RIN2: variants seen among roughly 807,000 people sequenced by gnomAD.
The protein encoded by RIN2 is Ras and Rab interactor 2.
RIN2 carries 36 observed loss-of-function variants against 78.0 expected under a neutral mutation model. The observed-to-expected ratio is 0.46, with a 90% CI of 0.35 to 0.61. The LOEUF (loss-of-function observed/expected upper bound fraction) is 0.61. Among genes scored for constraint, RIN2 ranks in the 20% least tolerant of loss-of-function variants. The pLI, the probability that RIN2 is intolerant of heterozygous loss-of-function variation, is 0.00. For missense variants in RIN2, 1,087 were observed against 1,159.7 expected (o/e 0.94, Z 0.91); for synonymous variants, 466 against 466.8 (o/e 1.00, Z 0.02).
intron 9 of RIN2, among the ~76,000 whole-genome samples, chr20:19,987,780 G>A (rs964177316): frequency 6.6e-6 from 1 of 152,222 alleles, no homozygotes; most frequent in East Asian, 1.9e-4. Context: ...TGCCAGATGT[G>A]AATAAGTTGT....
At chr20:19,788,439 A>AAAAAAAC (rs1555818735) in intron 1 of RIN2, among the ~76,000 whole-genome samples, 1 of 132,994 alleles carries the variant, frequency 7.5e-6, no homozygotes, top group Non-Finnish European at 1.5e-5. Context: ...TGCCAAAAAA[A>AAAAAAAC]AAAAAAAAAA....
At chr20:19,983,031 C>G (rs2042509982) in intron 9 of RIN2, among the ~76,000 whole-genome samples, 1 of 152,184 alleles carries the variant, frequency 6.6e-6, no homozygotes, top group Non-Finnish European at 1.5e-5. Flanking sequence ...CAAATTTAAC[C>G]ACTCACACTC....
chr20:19,932,018 T>A (rs1484760179), intron 3 of RIN2, among the ~76,000 whole-genome samples: 1 of 152,192 alleles, frequency 6.6e-6, no homozygotes, highest in Non-Finnish European at 1.5e-5. Context: ...CTGGGGGTAA[T>A]ATTCCTCCAG....
At chr20:19,796,622 A>G (rs2035062355) in intron 1 of RIN2, among the ~76,000 whole-genome samples, 1 of 152,202 alleles carries the variant, frequency 6.6e-6, no homozygotes, top group African/African-American at 2.4e-5. Context: ...GCTATGAGTC[A>G]ATAGATTCCT....
intron 2 of RIN2, among the ~76,000 whole-genome samples, chr20:19,814,975 TTA>T (rs2035718599): frequency 6.6e-6 from 1 of 152,156 alleles, no homozygotes; most frequent in South Asian, 2.1e-4. Context: ...TAATTTAATT[TTA>T]TGTTTTATAA....
intron 2 of RIN2, among the ~76,000 whole-genome samples, chr20:19,847,446 G>T (rs2036820941): frequency 6.6e-6 from 1 of 152,164 alleles, no homozygotes; most frequent in African/African-American, 2.4e-5. Context: ...AAACGTGCAT[G>T]CAGTTAAAAG....
intron 1 of RIN2, among the ~76,000 whole-genome samples, chr20:19,793,541 A>T (rs1477344129): frequency 6.6e-6 from 1 of 152,234 alleles, no homozygotes; most frequent in African/African-American, 2.4e-5. Flanking sequence ...GAGGGAGAAA[A>T]GAAGTACTCC....
intron 4 of RIN2, among the ~76,000 whole-genome samples, chr20:19,950,802 C>T (rs915801957): frequency 4.6e-5 from 7 of 151,936 alleles, no homozygotes; most frequent in Non-Finnish European, 1.0e-4. Flanking sequence ...CTCCACTTCT[C>T]GGGTTCAAAC....
At position 19,970,891 on chromosome 20, in the gene RIN2, C is replaced by A; in HGVS notation, c.590C>A (p.Ser197Ter). The change falls in exon 8 of 13, where the codon TCG (serine) becomes TAG (stop). Residue 197 changes from serine (S) to a stop codon, truncating the protein, a stop_gained. Transcript: ENST00000255006. LOFTEE classifies it high-confidence loss of function. The part of the protein sequence containing the change: ...KLPYAISTAK[S>*]EAQLEELAQM... ...CCTTATGCCATTTCAACAGCCAAGT[C>A]GGAGGCTCAGCTTGAAGAACTGGCC... 1 of 1,613,502 alleles carries A rather than the reference C, an allele frequency of 6.2e-7. No individual in the cohort carries two copies. The highest frequency in any genetic ancestry group is 8.5e-7 in the Non-Finnish European group (1 of 1,179,714).
intron 11 of RIN2, among the ~76,000 whole-genome samples, chr20:19,996,351 A>AAAT (rs1438932438): frequency 5.3e-5 from 8 of 151,708 alleles, no homozygotes; most frequent in Admixed American, 1.3e-4. Context: ...AACAAAAAAA[A>AAAT]CACTTTAGTG....
At chr20:19,848,353 T>G (rs377114712) in intron 2 of RIN2, among the ~76,000 whole-genome samples, 4 of 151,852 alleles carry the variant, frequency 2.6e-5, no homozygotes, top group East Asian at 1.9e-4. Flanking sequence ...GCCAACATGG[T>G]GAAACCCCGT....
intron 1 of RIN2, among the ~76,000 whole-genome samples, chr20:19,795,635 C>G (rs139688386): frequency 6.6e-6 from 1 of 152,270 alleles, no homozygotes; most frequent in South Asian, 2.1e-4. Flanking sequence ...AGATCCTGCA[C>G]GTGACAGCAA....
chr20:19,825,553 T>C (rs1390799097), intron 2 of RIN2, among the ~76,000 whole-genome samples: 1 of 152,214 alleles, frequency 6.6e-6, no homozygotes, highest in East Asian at 1.9e-4. Context: ...CTGGGTTCTT[T>C]CCTTACCTCA....
intron 3 of RIN2, among the ~76,000 whole-genome samples, chr20:19,921,302 T>C (rs1182330248): frequency 6.6e-6 from 1 of 152,064 alleles, no homozygotes; most frequent in Non-Finnish European, 1.5e-5. Flanking sequence ...TTTTGGGTGG[T>C]GGATAATTGA....
chr20:19,868,066 T>A (rs915709553), intron 2 of RIN2, among the ~76,000 whole-genome samples: 4 of 152,198 alleles, frequency 2.6e-5, no homozygotes, highest in African/African-American at 9.6e-5. Flanking sequence ...CAGCAGGAAC[T>A]GACACCAAGC....
chr20:19,833,726 G>T lies in RIN2; in HGVS notation c.-37+33979G>T, dbSNP rs561456589. Among the ~76,000 whole-genome samples the T allele has an allele frequency of 6.6e-5, 10 of 152,322 alleles. No homozygotes were observed. In the East Asian group the frequency reaches 1.7e-3, roughly 27 times the overall value. ...GGGCTGGTGCCCCACCGTGTTAGGA[G>T]TGGTGGCTGCTAACTGGCCTCCCTC... is the stretch of plus-strand genomic sequence containing the variant. On this transcript the variant is annotated intron_variant, in intron 2 of 12. Transcript: ENST00000255006.
At chr20:19,876,867 C>T (rs2037871807) in intron 2 of RIN2, among the ~76,000 whole-genome samples, 1 of 150,054 alleles carries the variant, frequency 6.7e-6, no homozygotes, top group African/African-American at 2.5e-5. Flanking sequence ...GATCTCACCA[C>T]TGCACTCCAG....
intron 7 of RIN2, among the ~76,000 whole-genome samples, chr20:19,968,461 G>A (rs767475423): frequency 1.1e-4 from 17 of 152,132 alleles, no homozygotes; most frequent in African/African-American, 2.4e-4. Context: ...GTGTGTGTGC[G>A]TGTGCATGCA....
intron 1 of RIN2, among the ~76,000 whole-genome samples, chr20:19,778,797 G>A (rs746718771): frequency 6.6e-6 from 1 of 152,064 alleles, no homozygotes; most frequent in Non-Finnish European, 1.5e-5. Flanking sequence ...GCCCTGTGGG[G>A]TACAAAGAAG....
Sources: gnomAD v4.1 joint callset for allele counts (sites outside exome capture counted in the v4.1 genomes callset) on GRCh38, gnomAD v4.1.1 for gene constraint, MANE v1.5 for transcripts, NCBI Gene and HGNC (gene_info 2026-07-23, HGNC 2026-07-21) for gene names.